MDGA2: variants seen among roughly 807,000 people sequenced by gnomAD.
MDGA2 encodes MAM domain containing glycosylphosphatidylinositol anchor 2, also known as MAM domain-containing glycosylphosphatidylinositol anchor protein 2.
Under a neutral mutation model 117.8 loss-of-function variants are expected in MDGA2, and 40 were observed. The observed-to-expected ratio is 0.34, with a 90% CI of 0.26 to 0.44. The LOEUF is 0.44. Ranked by LOEUF, MDGA2 falls within the 20% of genes least tolerant of loss-of-function variation. The probability of loss-of-function intolerance (pLI) is 1.00; values close to 1 mark genes in which losing one functional copy is unlikely to be tolerated. For missense variants in MDGA2, 1,123 were observed against 1,250.6 expected (o/e 0.90, Z 1.54); for synonymous variants, 452 against 439.0 (o/e 1.03, Z -0.37).
chr14:46,947,673 T>C (rs1489348355), intron 9 of MDGA2, among the ~76,000 whole-genome samples: 1 of 152,036 alleles, frequency 6.6e-6, no homozygotes, highest in Admixed American at 6.6e-5. Context: ...ATGTAAGACA[T>C]GACTTGCTCC....
At chr14:47,137,479 C>A (rs1371316876) in intron 4 of MDGA2, among the ~76,000 whole-genome samples, 5 of 151,966 alleles carry the variant, frequency 3.3e-5, no homozygotes, top group African/African-American at 9.7e-5. Flanking sequence ...TCCTTGAGAG[C>A]TGGTTGTTAA....
chr14:47,238,918 C>T (rs749021928), intron 2 of MDGA2, among the ~76,000 whole-genome samples: 1 of 151,350 alleles, frequency 6.6e-6, no homozygotes, highest in African/African-American at 2.4e-5. Context: ...TAAGGATGAG[C>T]TAAGAGGTAG....
chr14:47,458,051 C>T (rs1271566987), intron 1 of MDGA2, among the ~76,000 whole-genome samples: 1 of 149,884 alleles, frequency 6.7e-6, no homozygotes, highest in African/African-American at 2.5e-5. Context: ...TGGTTAATGA[C>T]ATATTGAGCA....
At chr14:47,629,487 G>A (rs1161559704) in intron 1 of MDGA2, among the ~76,000 whole-genome samples, 1 of 152,138 alleles carries the variant, frequency 6.6e-6, no homozygotes, top group African/African-American at 2.4e-5. Flanking sequence ...ATACCACAGC[G>A]GTTTCTGTTT....
chr14:46,869,246 A>G (rs1419799662), intron 14 of MDGA2, among the ~76,000 whole-genome samples: 1 of 151,930 alleles, frequency 6.6e-6, no homozygotes, highest in African/African-American at 2.4e-5. Flanking sequence ...ATTTCCTGAT[A>G]TGATATGACC....
chr14:47,334,631 A>G (rs866520894), intron 1 of MDGA2, among the ~76,000 whole-genome samples: 1 of 152,112 alleles, frequency 6.6e-6, no homozygotes, highest in Middle Eastern at 3.4e-3. Context: ...CAAGTTATAC[A>G]CAAATGAAAA....
intron 8 of MDGA2, among the ~76,000 whole-genome samples, chr14:47,004,418 A>G (rs1051368697): frequency 6.6e-6 from 1 of 151,680 alleles, no homozygotes; most frequent in Non-Finnish European, 1.5e-5. Flanking sequence ...ATGGATCTCT[A>G]TTCTGTTCCA....
rs540058139 is a variant in MDGA2 at position 47,259,796 on chromosome 14, G to T, written c.421-41601C>A. On this transcript the variant is annotated intron_variant, in intron 2 of 16. Coordinates refer to ENST00000399232, the MANE Select transcript of MDGA2 (RefSeq NM_001113498.3). ...TAACTATGGAATCTGAGAGAGTAGAGAGGGACCCAGGGGCTGAGCAGGATG... is the reference window on the plus strand; with the variant it reads ...TAACTATGGAATCTGAGAGAGTAGATAGGGACCCAGGGGCTGAGCAGGATG... Among the ~76,000 whole-genome samples, 20 of 152,214 alleles carry T rather than the reference G, an allele frequency of 1.3e-4. No individual in the cohort carries two copies. The South Asian group carries it at 3.9e-3, about 30-fold the overall frequency.
chr14:47,568,199 C>T (rs1421400991), intron 1 of MDGA2, among the ~76,000 whole-genome samples: 1 of 152,128 alleles, frequency 6.6e-6, no homozygotes. Context: ...AGTCATCAAC[C>T]AACTGCTGTT....
At chr14:47,449,430 C>T (rs190743051) in intron 1 of MDGA2, among the ~76,000 whole-genome samples, 293 of 152,156 alleles carry the variant, frequency 1.9e-3, no homozygotes, top group African/African-American at 6.4e-3. Context: ...CTATTATAGT[C>T]TTTTCATAAG....
chr14:47,259,870 G>T (rs1594758201), intron 2 of MDGA2, among the ~76,000 whole-genome samples: 1 of 152,036 alleles, frequency 6.6e-6, no homozygotes, highest in South Asian at 2.1e-4. Context: ...TATGGGGGAA[G>T]GGAGAAGACT....
chr14:47,048,939 T>A (rs1889357968), intron 7 of MDGA2, among the ~76,000 whole-genome samples: 1 of 152,094 alleles, frequency 6.6e-6, no homozygotes, highest in African/African-American at 2.4e-5. Context: ...TAAAACCACA[T>A]AAAAACTTAT....
At chr14:47,266,413 G>C (rs1478401727) in intron 2 of MDGA2, among the ~76,000 whole-genome samples, 1 of 152,128 alleles carries the variant, frequency 6.6e-6, no homozygotes, top group Non-Finnish European at 1.5e-5. Flanking sequence ...TCAGGCCACT[G>C]TCATATCTGA....
chr14:47,671,682 A>C (rs2138319407), intron 1 of MDGA2, among the ~76,000 whole-genome samples: 2 of 152,322 alleles, frequency 1.3e-5, no homozygotes, highest in African/African-American at 4.8e-5. Context: ...TTATGCTAGC[A>C]AAGTTCCTGT....
chr14:47,277,454 T>C (rs989742039), intron 2 of MDGA2, among the ~76,000 whole-genome samples: 1 of 152,180 alleles, frequency 6.6e-6, no homozygotes, highest in Non-Finnish European at 1.5e-5. Context: ...TAAATATGTG[T>C]TGAGTGAACA....
At chr14:47,419,156 T>C (rs763393809) in intron 1 of MDGA2, among the ~76,000 whole-genome samples, 26 of 152,150 alleles carry the variant, frequency 1.7e-4, no homozygotes, top group South Asian at 4.1e-4. Flanking sequence ...TTCCATGGTA[T>C]AAATGAATAT....
intron 1 of MDGA2, among the ~76,000 whole-genome samples, chr14:47,618,095 C>A (rs1896979915): frequency 6.6e-6 from 1 of 152,090 alleles, no homozygotes; most frequent in African/African-American, 2.4e-5. Context: ...TTTTGAGAAA[C>A]ATAATTATCA....
chr14:47,024,501 T>A (rs148194511), intron 8 of MDGA2, among the ~76,000 whole-genome samples: 47 of 152,308 alleles, frequency 3.1e-4, no homozygotes, highest in African/African-American at 1.1e-3. Context: ...TAAATACATT[T>A]CAGTTTCCTG....
chr14:47,300,632 G>C (rs930963446), intron 2 of MDGA2, among the ~76,000 whole-genome samples: 1 of 151,860 alleles, frequency 6.6e-6, no homozygotes, highest in Non-Finnish European at 1.5e-5. Context: ...TGAGACTACG[G>C]GTGTGCAACA....
Sources: allele counts gnomAD v4.1 joint callset (sites outside exome capture counted in the v4.1 genomes callset), GRCh38; gene constraint gnomAD v4.1.1; transcripts MANE v1.5; gene names NCBI Gene and HGNC (gene_info 2026-07-23, HGNC 2026-07-21).